Variants in ATP8A1 observed in about 807,000 individuals in gnomAD.
ATP8A1 encodes phospholipid-transporting ATPase IA.
ATP8A1 carries 90 observed loss-of-function variants against 177.7 expected under a neutral mutation model. That is an observed-to-expected ratio of 0.51 (90% CI 0.43 to 0.60). ATP8A1 has a LOEUF of 0.60. ATP8A1 is among the 20% of genes least tolerant of loss of function. ATP8A1 has a pLI of 0.00. For synonymous variants in ATP8A1, 493 were observed against 485.9 expected, an observed-to-expected ratio of 1.01 and a Z score of -0.19; for missense variants, 1,072 against 1,392.8, an observed-to-expected ratio of 0.77 and a Z score of 3.67.
At chr4:42,534,702 A>G (rs776982152) in intron 20 of ATP8A1, among the ~76,000 whole-genome samples, 6 of 152,204 alleles carry the variant, frequency 3.9e-5, no homozygotes, top group Non-Finnish European at 8.8e-5. Flanking sequence ...ACCTCGGCAC[A>G]TAGTCGGCAG....
Position 42,464,645 on chromosome 4 carries a change from A to G in ATP8A1, c.2619+45T>C, listed in dbSNP as rs1020570621. The G allele has an allele frequency of 3.5e-6, 4 of 1,139,192 alleles. No individual in the cohort carries two copies. In the African/African-American group the frequency reaches 4.7e-5, roughly 13 times the overall value. The allele number at this position is 1,139,192 out of a possible 1,614,324, so 70.6% of individuals were successfully genotyped here. On this transcript the variant is annotated intron_variant, in intron 27 of 36. Coordinates refer to ENST00000381668, the MANE Select transcript of ATP8A1 (RefSeq NM_006095.2). Reference sequence around the variant, plus strand: ...GTCTCCATAAAGAAAATTTCTTTAAATATGTATGCAAATGACAAGGATTTA... The same window carrying G: ...GTCTCCATAAAGAAAATTTCTTTAAGTATGTATGCAAATGACAAGGATTTA...
rs748299606 is a variant in ATP8A1 at position 42,412,979 on chromosome 4, G to A, written c.3432C>T (p.Ile1144=). ...GYAFSQDENG[I]VSQSEVIRAY... ...CTCTTATCACTTCAGACTGTGAAAC[G>A]ATTCCATTTTCATCTTGAGAGAACG... is the stretch of plus-strand genomic sequence containing the variant. Residue 1144 remains isoleucine (I), a synonymous_variant, in exon 37 of 37, where the codon ATC becomes ATT. Coordinates refer to ENST00000381668, the MANE Select transcript of ATP8A1 (RefSeq NM_006095.2). The A allele has an allele frequency of 6.8e-6, 11 of 1,613,366 alleles. No individual in the cohort carries two copies. The highest frequency in any genetic ancestry group is 3.3e-5 in the South Asian group (3 of 91,060).
chr4:42,564,255 C>G (rs180985788), intron 15 of ATP8A1, among the ~76,000 whole-genome samples: 27 of 150,666 alleles, frequency 1.8e-4, no homozygotes, highest in African/African-American at 5.2e-4. Context: ...GGGGTCAGAG[C>G]CCCCCCCAAC....
chr4:42,466,260 A>T (rs1197893493), intron 25 of ATP8A1, among the ~76,000 whole-genome samples: 1 of 152,218 alleles, frequency 6.6e-6, no homozygotes, highest in Non-Finnish European at 1.5e-5. Context: ...GAGCTAAATT[A>T]TTTATCAAGG....
chr4:42,440,789 C>T (rs936137281), intron 33 of ATP8A1, among the ~76,000 whole-genome samples: 4 of 152,208 alleles, frequency 2.6e-5, no homozygotes, highest in Non-Finnish European at 2.9e-5. Flanking sequence ...CAGTGTCTCA[C>T]TCTCCAAAAT....
At chr4:42,631,866 C>T (rs758956253) in intron 1 of ATP8A1, among the ~76,000 whole-genome samples, 4 of 152,138 alleles carry the variant, frequency 2.6e-5, no homozygotes, top group South Asian at 2.1e-4. Context: ...ATACTCAATT[C>T]GCAAATTTCC....
chr4:42,417,140 T>C (rs1425777180), intron 35 of ATP8A1, among the ~76,000 whole-genome samples: 1 of 152,206 alleles, frequency 6.6e-6, no homozygotes, highest in African/African-American at 2.4e-5. Flanking sequence ...AAATAAGTGA[T>C]GATGAGTTGT....
In ATP8A1 at chr4:42,410,434, G is replaced by GT; in HGVS notation, c.*2481dup. On this transcript the variant is annotated 3_prime_UTR_variant, in exon 37 of 37. Coordinates refer to ENST00000381668, the MANE Select transcript of ATP8A1 (RefSeq NM_006095.2). ...ACACATGTTAAAAGTCACATTGACT[G>GT]TTTATTTCAATCCTGGTAAAACCAT... is the stretch of plus-strand genomic sequence containing the variant. The GT allele has an allele frequency of 6.6e-6, 1 of 152,278 alleles. No individual in the cohort carries two copies. The highest frequency in any genetic ancestry group is 2.1e-4 in the South Asian group (1 of 4,826). The allele number at this position is 152,278 out of a possible 1,614,324, so 9.4% of individuals were successfully genotyped here.
rs185142560 is a variant in ATP8A1 at position 42,578,151 on chromosome 4, T to C, written c.1128+109A>G. On this transcript the variant is annotated intron_variant, in intron 12 of 36. Transcript: ENST00000381668. ...AATTAGGTTCAAAAATCTGATACTG[T>C]GGTCAAGAAACGGTAGATATAATTA... 149 of 1,054,180 alleles carry C rather than the reference T, an allele frequency of 1.4e-4. 1 individual carries two copies. In the African/African-American group the frequency reaches 2.2e-3, roughly 16 times the overall value. The allele number at this position is 1,054,180 out of a possible 1,614,324, so 65.3% of individuals were successfully genotyped here.
intron 1 of ATP8A1, among the ~76,000 whole-genome samples, chr4:42,655,812 T>C (rs982663920): frequency 2.0e-5 from 3 of 152,210 alleles, no homozygotes; most frequent in Non-Finnish European, 2.9e-5. Flanking sequence ...TCCTAACTTA[T>C]ATATTTTTCT....
rs115334153 is a variant in ATP8A1 at position 42,579,567 on chromosome 4, A to G, written c.1000+246T>C. ...TCGTTGATATATATAATAAATGACTATACTTAGTGAACATTTTATACCACT... is the reference window on the plus strand; with the variant it reads ...TCGTTGATATATATAATAAATGACTGTACTTAGTGAACATTTTATACCACT... On this transcript the variant is annotated intron_variant, in intron 11 of 36. Coordinates refer to ENST00000381668, the MANE Select transcript of ATP8A1 (RefSeq NM_006095.2). 7.2e-5 allele frequency among the ~76,000 whole-genome samples: 11 copies of G among 151,966 alleles called. No homozygotes were observed. The East Asian group carries it at 2.1e-3, about 29-fold the overall frequency.
chr4:42,619,640 T>C (rs1325413661), intron 4 of ATP8A1, among the ~76,000 whole-genome samples: 1 of 151,086 alleles, frequency 6.6e-6, no homozygotes, highest in Non-Finnish European at 1.5e-5. Flanking sequence ...TTTAAAATTT[T>C]AAATCTATAT....
At chr4:42,653,825 A>AC (rs1353981649) in intron 1 of ATP8A1, among the ~76,000 whole-genome samples, 1 of 152,184 alleles carries the variant, frequency 6.6e-6, no homozygotes, top group Admixed American at 6.5e-5. Flanking sequence ...ACCTATCCAA[A>AC]CTTTTAGCCT....
At chr4:42,430,124 C>T (rs1715104760) in intron 33 of ATP8A1, among the ~76,000 whole-genome samples, 1 of 151,968 alleles carries the variant, frequency 6.6e-6, no homozygotes, top group South Asian at 2.1e-4. Flanking sequence ...TATGTATATT[C>T]TACCATAACA....
chr4:42,508,683 A>G (rs747629982), intron 22 of ATP8A1, among the ~76,000 whole-genome samples: 7 of 152,202 alleles, frequency 4.6e-5, no homozygotes, highest in Non-Finnish European at 7.3e-5. Context: ...GCCACAACCA[A>G]CTGATTCTCA....
At position 42,423,660 on chromosome 4, in the gene ATP8A1, A is replaced by G. The variant is rs751502747; in HGVS notation, c.3169T>C (p.Phe1057Leu). The G allele has an allele frequency of 3.7e-6, 6 of 1,613,018 alleles. No homozygotes were observed. The highest frequency in any genetic ancestry group is 5.1e-6 in the Non-Finnish European group (6 of 1,179,590). Residue 1057 changes from phenylalanine to leucine, a missense_variant, in exon 34 of 37, where the codon TTC (phenylalanine) becomes CTC (leucine). Physicochemically the swap from Phe to Leu is conservative, Grantham distance 22. Transcript: ENST00000381668. Reference sequence around the variant, plus strand: ...AGGAGCAGAGATGCCACAGGGATGAATAACAAGCCCATCCAAAAGACTCCA... The same window carrying G: ...AGGAGCAGAGATGCCACAGGGATGAGTAACAAGCCCATCCAAAAGACTCCA... ...SSGVFWMGLL[F>L]IPVASLLLDV...
intron 24 of ATP8A1, among the ~76,000 whole-genome samples, chr4:42,496,063 T>C (rs1287143937): frequency 6.6e-6 from 1 of 152,214 alleles, no homozygotes. Context: ...TAAATTGCTC[T>C]TGGCCCCTCA....
chr4:42,521,146 A>G (rs1181254229), intron 22 of ATP8A1, among the ~76,000 whole-genome samples: 8 of 152,242 alleles, frequency 5.3e-5, no homozygotes, highest in Non-Finnish European at 8.8e-5. Context: ...GAAAAGATCA[A>G]GTAAACCGCA....
chr4:42,542,522 C>G (rs1171180235), intron 20 of ATP8A1, among the ~76,000 whole-genome samples: 15 of 152,078 alleles, frequency 9.9e-5, no homozygotes. Context: ...TATACATGTG[C>G]CATGTTGGTT....
Sources: gnomAD v4.1 joint callset for allele counts (sites outside exome capture counted in the v4.1 genomes callset) on GRCh38, gnomAD v4.1.1 for gene constraint, MANE v1.5 for transcripts, NCBI Gene and HGNC (gene_info 2026-07-23, HGNC 2026-07-21) for gene names.